Variants in CIITA observed in about 807,000 individuals in gnomAD.
CIITA encodes class II major histocompatibility complex transactivator.
CIITA carries 72 observed loss-of-function variants against 115.1 expected under a neutral mutation model. The observed-to-expected ratio is 0.63, with a 90% CI of 0.52 to 0.76. The LOEUF is 0.76. Ranked by LOEUF, CIITA falls within the 30% of genes least tolerant of loss-of-function variation. The probability of loss-of-function intolerance (pLI) is 0.00; values close to 1 mark genes in which losing one functional copy is unlikely to be tolerated. For synonymous variants in CIITA, 763 were observed against 635.6 expected, an observed-to-expected ratio of 1.20 and a Z score of -3.02; for missense variants, 1,617 against 1,463.8, an observed-to-expected ratio of 1.10 and a Z score of -1.71.
intron 16 of CIITA, among the ~76,000 whole-genome samples, chr16:10,919,598 A>T (rs977652112): frequency 6.6e-6 from 1 of 152,078 alleles, no homozygotes; most frequent in African/African-American, 2.4e-5. Context: ...AGCCTCGACT[A>T]CCTGGACTGA....
chr16:10,901,484 G>C lies in CIITA; in HGVS notation c.437-30G>C. 5 of 1,613,592 alleles carry C rather than the reference G, an allele frequency of 3.1e-6. No individual in the cohort carries two copies. The highest frequency in any genetic ancestry group is 1.7e-4 in the Middle Eastern group (1 of 6,060). On this transcript the variant is annotated intron_variant, in intron 5 of 19. Transcript: ENST00000324288. The surrounding 1 kb of genome is among the most constrained non-coding windows in gnomAD (Gnocchi z 6.8). ...TTCTGGCTTGGGACATCCTCTCCCTGGGGCAGCTGATCACATGTTTTCTCT... is the reference window on the plus strand; with the variant it reads ...TTCTGGCTTGGGACATCCTCTCCCTCGGGCAGCTGATCACATGTTTTCTCT...
chr16:10,877,560 G>A (rs143936947), intron 1 of CIITA, among the ~76,000 whole-genome samples, 178 bp downstream of exon 1: 16 of 152,332 alleles, frequency 1.1e-4, no homozygotes, highest in East Asian at 5.8e-4. Context: ...TCCTTCCACC[G>A]GAGGGAGACT....
Position 10,908,114 on chromosome 16 carries a change from G to A in CIITA, c.2622G>A (p.Gly874=), listed in dbSNP as rs771364797. Residue 874 remains glycine, a synonymous_variant, in exon 11 of 20, where the codon GGG becomes GGA. Transcript: ENST00000324288. ...CTGGCATTTGCCCCTCTGGATTGGG[G>A]AGCCTCGTGGGACTCAGCTGTGTCA... ...RSTGICPSGL[G]SLVGLSCVTR... is the part of the protein sequence containing the mutation. The A allele has an allele frequency of 6.3e-7, 1 of 1,588,202 alleles. No homozygotes were observed. The highest frequency in any genetic ancestry group is 8.6e-7 in the Non-Finnish European group (1 of 1,167,006).
intron 1 of CIITA, among the ~76,000 whole-genome samples, chr16:10,866,754 C>A (rs1017527269): frequency 6.6e-6 from 1 of 152,180 alleles, no homozygotes; most frequent in Non-Finnish European, 1.5e-5. Context: ...TGTGCTGGAG[C>A]GAACGGCGTG....
chr16:10,913,943 A>AAAT, intron 13 of CIITA, among the ~76,000 whole-genome samples: 1 of 11,476 alleles, frequency 8.7e-5, no homozygotes, highest in Non-Finnish European at 2.0e-4. Flanking sequence ...CCCATCTCAA[A>AAAT]AATAAATAAA....
chr16:10,912,843 C>G (rs991404889), intron 13 of CIITA, among the ~76,000 whole-genome samples: 2 of 152,166 alleles, frequency 1.3e-5, no homozygotes, highest in Non-Finnish European at 2.9e-5. Context: ...GACCGGAAGC[C>G]CCCGAGGAGG....
chr16:10,906,023 C>CA (rs1205057624), intron 10 of CIITA, among the ~76,000 whole-genome samples: 3 of 151,530 alleles, frequency 2.0e-5, no homozygotes, highest in African/African-American at 7.3e-5. Flanking sequence ...CTTATCTCCA[C>CA]AAAAAAACAA....
rs1484702372 is a variant in CIITA, at chr16:10,929,330, C to T, written c.*5475C>T. The T allele has an allele frequency of 2.0e-6, 2 of 985,816 alleles. No homozygotes were observed. The highest frequency in any genetic ancestry group is 2.4e-6 in the Non-Finnish European group (2 of 829,984). 61.1% of individuals were successfully genotyped at this position (985,816 alleles called of 1,614,324 possible). A position where few individuals can be genotyped will look rare whatever the true frequency, so the allele number is the denominator to read the frequency against. ...GGGATGAAGTGCAGGGAGGCAAACT[C>T]TGGCTGGGTTCCTGTAAACATCCAT... is the stretch of plus-strand genomic sequence containing the variant. On this transcript the variant is annotated 3_prime_UTR_variant, in exon 20 of 20. Coordinates refer to ENST00000324288, the MANE Select transcript of CIITA (RefSeq NM_000246.4). This position sits in a 1 kb window ranked among gnomAD's most constrained non-coding sequence, Gnocchi z 4.3.
intron 15 of CIITA, among the ~76,000 whole-genome samples, chr16:10,917,669 G>A (rs766848448): frequency 6.6e-6 from 1 of 151,756 alleles, no homozygotes; most frequent in Non-Finnish European, 1.5e-5. Flanking sequence ...TAGTAGAGAC[G>A]GGGTTTCACC....
At position 10,877,301 on chromosome 16, in the gene CIITA, G is replaced by C; in HGVS notation, c.-30G>C. 6.2e-7 allele frequency: 1 copy of C among 1,608,652 alleles called. No individual in the cohort carries two copies. Among genetic ancestry groups the C allele is most frequent in the Non-Finnish European group, 8.5e-7 (1 of 1,177,148 alleles). ...ACGAGGAGGGGCTGCCAGACTCCGG[G>C]AGCTGCTGCCTGGCTGGGATTCCTA... On this transcript the variant is annotated 5_prime_UTR_variant, in exon 1 of 20. Transcript: ENST00000324288.
downstream of CIITA, chr16:10,937,399 G>A (rs189717734): frequency 6.6e-6 from 1 of 152,526 alleles, no homozygotes; most frequent in Admixed American, 6.5e-5. This position sits in a 1 kb window ranked among gnomAD's most constrained non-coding sequence, Gnocchi z 4.2. Context: ...GTCCGGCACA[G>A]GGGTTCTGCT....
chr16:10,904,018 T>G, intron 9 of CIITA, 123 bp downstream of exon 9: 2 of 1,338,042 alleles, frequency 1.5e-6, no homozygotes, highest in Non-Finnish European at 2.1e-6. Context: ...TGTTTAGGGG[T>G]CAGTCGGGAC....
rs778678693 is a variant in CIITA at position 10,907,436 on chromosome 16, A to T, written c.1944A>T (p.Ala648=). The change falls in exon 11 of 20, where the codon GCA becomes GCT. Residue 648 remains alanine, a synonymous_variant. Coordinates refer to ENST00000324288, the MANE Select transcript of CIITA (RefSeq NM_000246.4). This position sits in a 1 kb window ranked among gnomAD's most constrained non-coding sequence, Gnocchi z 5.0. ...TGLYVGLLGR[A]ALDSPPGALA... Reference sequence around the variant, plus strand: ...TCTATGTCGGCCTGCTGGGCCGTGCAGCCCTCGACAGCCCCCCCGGGGCCC... The same window carrying T: ...TCTATGTCGGCCTGCTGGGCCGTGCTGCCCTCGACAGCCCCCCCGGGGCCC... 126 of 1,612,726 alleles carry T rather than the reference A, an allele frequency of 7.8e-5. No individual in the cohort carries two copies. The highest frequency in any genetic ancestry group is 1.0e-4 in the Non-Finnish European group (119 of 1,179,776).
At chr16:10,866,310 C>A (rs1473633170) in exon 1 of CIITA, 1 of 569,190 alleles carries the variant, frequency 1.8e-6, no homozygotes. Flanking sequence ...TCCAGGCCAT[C>A]CTGACTCAGG....
intron 1 of CIITA, among the ~76,000 whole-genome samples, chr16:10,881,851 C>T (rs970789978): frequency 1.3e-5 from 2 of 152,162 alleles, no homozygotes; most frequent in Non-Finnish European, 1.5e-5. Context: ...CCACCCAGCT[C>T]GTGGTAACTC....
chr16:10,891,937 C>G (rs1567382807), intron 1 of CIITA, among the ~76,000 whole-genome samples: 1 of 152,220 alleles, frequency 6.6e-6, no homozygotes. Flanking sequence ...AGCCAGTGCC[C>G]CAGCTTGGAC....
Position 10,920,238 on chromosome 16 carries a change from C to G in CIITA, c.3149+1712C>G, listed in dbSNP as rs545883584. On this transcript the variant is annotated intron_variant, in intron 16 of 19. Transcript: ENST00000324288. The surrounding 1 kb of genome is among the most constrained non-coding windows in gnomAD (Gnocchi z 4.5). The stretch of plus-strand genomic sequence containing the variant: ...AAGGCGACACTTGATCTGATTTACA[C>G]TTTTCTTTTTTCTTTTCTTTTCTTT... Among the ~76,000 whole-genome samples, 5 of 152,276 alleles carry G rather than the reference C, an allele frequency of 3.3e-5. 1 individual carries two copies. The South Asian group carries it at 6.2e-4, about 19-fold the overall frequency.
chr16:10,929,660 G>A lies in CIITA; in HGVS notation c.*5805G>A, dbSNP rs1451462806. The A allele has an allele frequency of 7.1e-6, 5 of 701,144 alleles. No individual in the cohort carries two copies. The highest frequency in any genetic ancestry group is 1.9e-5 in the African/African-American group (1 of 51,456). The allele number at this position is 701,144 out of a possible 1,614,324, so 43.4% of individuals were successfully genotyped here. A position where few individuals can be genotyped will look rare whatever the true frequency, so the allele number is the denominator to read the frequency against. The stretch of plus-strand genomic sequence containing the variant: ...AATCCACCAGGCTCGGGAGGCTTGG[G>A]GTGGGGCAGGGAAGTCTTCCTCCAT... On this transcript the variant is annotated 3_prime_UTR_variant, in exon 20 of 20. Transcript: ENST00000324288. The surrounding 1 kb of genome is among the most constrained non-coding windows in gnomAD (Gnocchi z 4.3).
upstream of CIITA, chr16:10,866,236 G>A (rs866110879): frequency 2.0e-6 from 1 of 491,000 alleles, no homozygotes; most frequent in African/African-American, 1.9e-5. Flanking sequence ...CATGCTGGGT[G>A]AGCGGAGATT....
Sources: allele counts gnomAD v4.1 joint callset (sites outside exome capture counted in the v4.1 genomes callset), GRCh38; gene constraint gnomAD v4.1.1; non-coding constraint Gnocchi (gnomAD v3.1); transcripts MANE v1.5; gene names NCBI Gene and HGNC (gene_info 2026-07-23, HGNC 2026-07-21).